TBC1D4: variants seen among roughly 807,000 people sequenced by gnomAD.
TBC1D4 encodes the protein TBC1 domain family member 4, also known as TBC (Tre-2, BUB2, CDC16) domain-containing protein.
In TBC1D4, 121 loss-of-function variants were observed where a neutral mutation model predicts 142.5. The ratio of observed to expected loss-of-function variants is 0.85; its 90% CI spans 0.73 to 0.99. The LOEUF is 0.99. Ranked by LOEUF, TBC1D4 falls within the 50% of genes least tolerant of loss-of-function variation. TBC1D4 has a pLI of 0.00. For missense variants in TBC1D4, 1,475 were observed against 1,606.6 expected (o/e 0.92, Z 1.40); for synonymous variants, 630 against 628.2 (o/e 1.00, Z -0.04).
rs75127891 is a variant in TBC1D4, at chr13:75,403,901, T to C, written c.499-41294A>G. On this transcript the variant is annotated intron_variant, in intron 1 of 20. Coordinates refer to ENST00000377636, the MANE Select transcript of TBC1D4 (RefSeq NM_014832.5). ...GAGAAATGCTTACATGTGAACTTCA[T>C]TAAAGAAATACAGATTAAATCAAGA... is the stretch of plus-strand genomic sequence containing the variant. 3.0e-3 allele frequency among the ~76,000 whole-genome samples: 458 copies of C among 152,244 alleles called. 1 individual carries two copies. Among genetic ancestry groups the C allele is most frequent in the African/African-American group, 0.011 (440 of 41,538 alleles).
At chr13:75,458,403 C>T (rs577035333) in intron 1 of TBC1D4, among the ~76,000 whole-genome samples, 12 of 152,162 alleles carry the variant, frequency 7.9e-5, no homozygotes, top group South Asian at 2.1e-4. Context: ...ACTCGTGACT[C>T]GCGGAGCTTA....
intron 1 of TBC1D4, among the ~76,000 whole-genome samples, chr13:75,457,706 T>G (rs1285908615): frequency 2.0e-5 from 3 of 152,226 alleles, no homozygotes; most frequent in Admixed American, 6.5e-5. Context: ...GTACCTAGGA[T>G]GCTTATGAAC....
At chr13:75,346,820 C>T (rs1317057072) in intron 5 of TBC1D4, among the ~76,000 whole-genome samples, 1 of 151,892 alleles carries the variant, frequency 6.6e-6, no homozygotes, top group Non-Finnish European at 1.5e-5. Flanking sequence ...TAAATATATG[C>T]TGTATGTTAT....
chr13:75,409,934 A>G (rs1885542999), intron 1 of TBC1D4, among the ~76,000 whole-genome samples: 2 of 152,322 alleles, frequency 1.3e-5, no homozygotes, highest in Admixed American at 6.5e-5. Context: ...TCTTTCAAAT[A>G]TTCTGACCCA....
intron 3 of TBC1D4, among the ~76,000 whole-genome samples, chr13:75,357,336 C>T (rs577887694): frequency 6.6e-5 from 10 of 152,256 alleles, no homozygotes; most frequent in African/African-American, 2.2e-4. Context: ...GTAAGCAATC[C>T]GTATGGATAT....
rs1880286672 is a variant in TBC1D4, at chr13:75,337,056, CAG to C, written c.1612-18_1612-17del. On this transcript the variant is annotated splice_polypyrimidine_tract_variant and intron_variant, in intron 7 of 20. Transcript: ENST00000377636. ...TTGAAATAGTCTAAAAAAAGAAAAA[CAG>C]ATACATTTTAGTTTGGAAATACTCA... is the stretch of plus-strand genomic sequence containing the variant. 1 of 1,608,722 alleles carries C rather than the reference CAG, an allele frequency of 6.2e-7. No individual in the cohort carries two copies. Among genetic ancestry groups the C allele is most frequent in the Non-Finnish European group, 8.5e-7 (1 of 1,176,106 alleles).
At chr13:75,360,670 G>T (rs1402157754) in intron 2 of TBC1D4, among the ~76,000 whole-genome samples, 1 of 152,050 alleles carries the variant, frequency 6.6e-6, no homozygotes, top group East Asian at 1.9e-4. Flanking sequence ...ATGCCTTCAT[G>T]ATATGGAGCC....
chr13:75,398,333 G>A (rs907744441), intron 1 of TBC1D4, among the ~76,000 whole-genome samples: 3 of 152,196 alleles, frequency 2.0e-5, no homozygotes, highest in Non-Finnish European at 4.4e-5. Context: ...AAAACATGTG[G>A]AATTGGCTTT....
At chr13:75,365,117 G>A (rs1882828728) in intron 1 of TBC1D4, among the ~76,000 whole-genome samples, 1 of 152,144 alleles carries the variant, frequency 6.6e-6, no homozygotes, top group Non-Finnish European at 1.5e-5. Flanking sequence ...ACACCTAAAT[G>A]TAATTCTGTA....
chr13:75,465,525 T>G (rs1036235065), intron 1 of TBC1D4, among the ~76,000 whole-genome samples: 1 of 152,176 alleles, frequency 6.6e-6, no homozygotes, highest in Non-Finnish European at 1.5e-5. Context: ...GAGCGGAGCT[T>G]CAATTTCCTG....
chr13:75,367,868 C>G (rs1012738122), intron 1 of TBC1D4, among the ~76,000 whole-genome samples: 1 of 152,118 alleles, frequency 6.6e-6, no homozygotes, highest in African/African-American at 2.4e-5. Context: ...AAAACTTCAT[C>G]TTCATATAAT....
At chr13:75,411,425 G>A (rs577310873) in intron 1 of TBC1D4, among the ~76,000 whole-genome samples, 34 of 152,158 alleles carry the variant, frequency 2.2e-4, no homozygotes, top group Non-Finnish European at 4.4e-4. Flanking sequence ...TCAATGCCAA[G>A]GGCCATTTGG....
intron 1 of TBC1D4, among the ~76,000 whole-genome samples, chr13:75,382,901 T>A (rs555020480): frequency 2.8e-4 from 43 of 152,370 alleles, no homozygotes; most frequent in African/African-American, 9.1e-4. Flanking sequence ...CTCTTTTGAC[T>A]TCTTTTAATC....
At chr13:75,313,913 AAC>A (rs1878032452) in intron 12 of TBC1D4, among the ~76,000 whole-genome samples, 1 of 152,218 alleles carries the variant, frequency 6.6e-6, no homozygotes, top group African/African-American at 2.4e-5. Context: ...CCAACAGGGA[AAC>A]AGTGTATAGA....
chr13:75,341,107 T>C lies in TBC1D4; in HGVS notation c.1611+18A>G. The stretch of plus-strand genomic sequence containing the variant: ...TAAACAACAACAAAAGTAGGTGAAG[T>C]AGGAAATATCTTCTCACAGAAGGGC... On this transcript the variant is annotated intron_variant, in intron 7 of 20. Coordinates refer to ENST00000377636, the MANE Select transcript of TBC1D4 (RefSeq NM_014832.5). 1.3e-6 allele frequency: 2 copies of C among 1,576,594 alleles called. No homozygotes were observed. The highest frequency in any genetic ancestry group is 8.6e-7 in the Non-Finnish European group (1 of 1,156,366).
At chr13:75,428,473 G>C (rs954196368) in intron 1 of TBC1D4, among the ~76,000 whole-genome samples, 7 of 152,128 alleles carry the variant, frequency 4.6e-5, no homozygotes, top group Non-Finnish European at 2.9e-5. Context: ...GTTTGCTGGT[G>C]TGAATCTATA....
intron 1 of TBC1D4, among the ~76,000 whole-genome samples, chr13:75,428,387 G>T (rs2138149470): frequency 6.6e-6 from 1 of 152,206 alleles, no homozygotes; most frequent in East Asian, 1.9e-4. Flanking sequence ...TATCCTTCCA[G>T]CATGTTTCAC....
intron 1 of TBC1D4, among the ~76,000 whole-genome samples, chr13:75,395,231 C>T (rs757820635): frequency 2.0e-5 from 3 of 152,180 alleles, no homozygotes; most frequent in Non-Finnish European, 4.4e-5. Flanking sequence ...AGGCATAAAA[C>T]AGATATATCT....
At chr13:75,453,413 A>G (rs1348941108) in intron 1 of TBC1D4, among the ~76,000 whole-genome samples, 1 of 152,138 alleles carries the variant, frequency 6.6e-6, no homozygotes, top group Non-Finnish European at 1.5e-5. Flanking sequence ...TCACCGAGTC[A>G]TGTTTTCTTC....
Sources: gnomAD v4.1 joint callset for allele counts (sites outside exome capture counted in the v4.1 genomes callset) on GRCh38, gnomAD v4.1.1 for gene constraint, MANE v1.5 for transcripts, NCBI Gene and HGNC (gene_info 2026-07-23, HGNC 2026-07-21) for gene names.